DPY19L2: variants seen among roughly 807,000 people sequenced by gnomAD.
DPY19L2 encodes probable C-mannosyltransferase DPY19L2.
A neutral mutation model predicts 97.9 loss-of-function variants in DPY19L2; 34 were observed. That is an observed-to-expected ratio of 0.35 (90% CI 0.26 to 0.46). DPY19L2 has a LOEUF of 0.46. DPY19L2 is among the 20% of genes least tolerant of loss of function. The pLI, the probability that DPY19L2 is intolerant of heterozygous loss-of-function variation, is 1.00. For synonymous variants in DPY19L2, 230 were observed against 307.9 expected, an observed-to-expected ratio of 0.75 and a Z score of 2.65; for missense variants, 623 against 911.4, an observed-to-expected ratio of 0.68 and a Z score of 4.07.
intron 19 of DPY19L2, among the ~76,000 whole-genome samples, chr12:63,579,981 A>G (rs1435360750): frequency 2.0e-5 from 3 of 152,128 alleles, no homozygotes; most frequent in South Asian, 2.1e-4. Context: ...TGATTTACAA[A>G]TTTAGTTACA....
At chr12:63,624,783 TC>T (rs1889256157) in intron 7 of DPY19L2, among the ~76,000 whole-genome samples, 1 of 152,190 alleles carries the variant, frequency 6.6e-6, no homozygotes, top group African/African-American at 2.4e-5. Context: ...GGAAAAATTT[TC>T]CATCAAAAAT....
intron 12 of DPY19L2, among the ~76,000 whole-genome samples, chr12:63,600,731 A>G (rs1353040631): frequency 6.6e-6 from 1 of 151,892 alleles, no homozygotes; most frequent in Non-Finnish European, 1.5e-5. Context: ...AACAAAGAAA[A>G]AAACCCGTGT....
intron 4 of DPY19L2, among the ~76,000 whole-genome samples, chr12:63,659,045 A>G (rs889326510): frequency 5.9e-5 from 9 of 152,124 alleles, no homozygotes; most frequent in Non-Finnish European, 1.5e-5. Flanking sequence ...ACCAGCTATC[A>G]TATGTCAATT....
intron 1 of DPY19L2, chr12:63,666,701 A>G (rs966845487): frequency 5.6e-6 from 1 of 177,252 alleles, no homozygotes; most frequent in African/African-American, 2.4e-5. Context: ...AAAGTTTTGA[A>G]GAAAATGATT....
At chr12:63,653,291 T>A (rs1894520523) in intron 4 of DPY19L2, among the ~76,000 whole-genome samples, 1 of 152,054 alleles carries the variant, frequency 6.6e-6, no homozygotes, top group Admixed American at 6.6e-5. Flanking sequence ...CTGGTCCCGG[T>A]GGTTCATGCC....
chr12:63,650,020 G>A (rs1345320838), intron 4 of DPY19L2, among the ~76,000 whole-genome samples: 3 of 151,882 alleles, frequency 2.0e-5, no homozygotes, highest in Non-Finnish European at 2.9e-5. Context: ...GTTCAACACA[G>A]GCAAATCAAT....
chr12:63,618,103 T>A (rs1399080165), intron 10 of DPY19L2, 48 bp downstream of exon 10: 2 of 1,164,934 alleles, frequency 1.7e-6, no homozygotes, highest in East Asian at 5.2e-5. Context: ...TTTTATAAAC[T>A]CTGAGAACCT....
In DPY19L2 at chr12:63,583,699, G is replaced by T. The variant is rs1234773431; in HGVS notation, c.1605+113C>A. 7.3e-6 allele frequency: 7 copies of T among 961,508 alleles called. No homozygotes were observed. The East Asian group carries it at 1.7e-4, about 24-fold the overall frequency. The allele number at this position is 961,508 out of a possible 1,614,324, so 59.6% of individuals were successfully genotyped here. On this transcript the variant is annotated intron_variant, in intron 17 of 21. Transcript: ENST00000324472. ...GGATCAGCAGAAATTTATCACCAAT[G>T]CTGAACAACTCACTACTGAAGGTGC...
intron 4 of DPY19L2, among the ~76,000 whole-genome samples, chr12:63,650,964 G>C (rs564532832): frequency 2.0e-5 from 3 of 152,150 alleles, no homozygotes; most frequent in African/African-American, 7.2e-5. Flanking sequence ...TAAGCAAAAA[G>C]GACAAAGCCA....
At chr12:63,575,257 G>A (rs1227848045) in intron 19 of DPY19L2, among the ~76,000 whole-genome samples, 5 of 151,926 alleles carry the variant, frequency 3.3e-5, no homozygotes, top group African/African-American at 1.2e-4. Context: ...AATTGAAAAT[G>A]TTCTTGAAAC....
intron 4 of DPY19L2, among the ~76,000 whole-genome samples, chr12:63,654,442 A>G (rs1485532444): frequency 6.6e-6 from 1 of 152,184 alleles, no homozygotes; most frequent in Non-Finnish European, 1.5e-5. Flanking sequence ...CCAAGAATAG[A>G]AACCACAAAA....
intron 21 of DPY19L2, among the ~76,000 whole-genome samples, chr12:63,565,138 C>A (rs1475693262): frequency 6.6e-6 from 1 of 152,118 alleles, no homozygotes; most frequent in African/African-American, 2.4e-5. Context: ...TTGAAAGTAG[C>A]CTATAGTAGG....
At chr12:63,620,695 C>T (rs1021603753) in intron 9 of DPY19L2, among the ~76,000 whole-genome samples, 6 of 152,084 alleles carry the variant, frequency 3.9e-5, no homozygotes, top group African/African-American at 9.7e-5. Context: ...GTACATCTTG[C>T]GTTCAACTTA....
intron 6 of DPY19L2, among the ~76,000 whole-genome samples, chr12:63,643,978 T>C (rs1893049616): frequency 1.3e-5 from 2 of 152,192 alleles, no homozygotes; most frequent in South Asian, 2.1e-4. Flanking sequence ...CGTGGTACTC[T>C]TATCAAGATA....
Position 63,592,437 on chromosome 12 carries a change from A to T in DPY19L2, c.1580+1650T>A, listed in dbSNP as rs371815371. ...AACAGCATGGTACTGGTACCAAAACAGAGATATAGATCAATGGAACAGAAC... is the reference window on the plus strand; with the variant it reads ...AACAGCATGGTACTGGTACCAAAACTGAGATATAGATCAATGGAACAGAAC... On this transcript the variant is annotated intron_variant, in intron 16 of 21. Coordinates refer to ENST00000324472, the MANE Select transcript of DPY19L2 (RefSeq NM_173812.5). 3.4e-3 allele frequency among the ~76,000 whole-genome samples: 508 copies of T among 149,310 alleles called. 3 individuals are homozygous for T. Among genetic ancestry groups the T allele is most frequent in the African/African-American group, 0.012 (493 of 40,498 alleles).
chr12:63,618,003 C>G, intron 10 of DPY19L2, 148 bp downstream of exon 10: 1 of 587,356 alleles, frequency 1.7e-6, no homozygotes, highest in East Asian at 3.0e-5. Context: ...CTATAATATA[C>G]ATTTCCAGTT....
chr12:63,633,433 C>T (rs1254324869), intron 6 of DPY19L2, among the ~76,000 whole-genome samples: 1 of 152,160 alleles, frequency 6.6e-6, no homozygotes, highest in African/African-American at 2.4e-5. Flanking sequence ...CAAAAGAAGA[C>T]ATTTATGCAG....
chr12:63,641,522 T>C (rs1892701222), intron 6 of DPY19L2, among the ~76,000 whole-genome samples: 1 of 152,168 alleles, frequency 6.6e-6, no homozygotes, highest in South Asian at 2.1e-4. Flanking sequence ...TGATTTACTT[T>C]AATCTGTTTT....
intron 16 of DPY19L2, among the ~76,000 whole-genome samples, chr12:63,586,238 T>A (rs1178968179): frequency 6.6e-6 from 1 of 152,102 alleles, no homozygotes; most frequent in Non-Finnish European, 1.5e-5. Flanking sequence ...AAATATCTAT[T>A]AACCAATCTA....
Sources: gnomAD v4.1 joint callset for allele counts (sites outside exome capture counted in the v4.1 genomes callset) on GRCh38, gnomAD v4.1.1 for gene constraint, MANE v1.5 for transcripts, NCBI Gene and HGNC (gene_info 2026-07-23, HGNC 2026-07-21) for gene names.